ATAD2B: variants seen among roughly 807,000 people sequenced by gnomAD.
ATAD2B encodes ATPase family AAA domain-containing protein 2B.
Under a neutral mutation model 167.6 loss-of-function variants are expected in ATAD2B, and 40 were observed. The ratio of observed to expected loss-of-function variants is 0.24; its 90% CI spans 0.19 to 0.31. ATAD2B has a LOEUF of 0.31. ATAD2B is among the 10% of genes least tolerant of loss of function. ATAD2B has a pLI of 1.00. For missense variants in ATAD2B, 1,242 were observed against 1,757.2 expected (o/e 0.71, Z 5.24); for synonymous variants, 579 against 596.5 (o/e 0.97, Z 0.43).
At chr2:23,681,230 G>A in the ATAD2B span, among the ~76,000 whole-genome samples, 1 of 152,218 alleles carries the variant, frequency 6.6e-6, no homozygotes, top group African/African-American at 2.4e-5. This position sits in a 1 kb window ranked among gnomAD's most constrained non-coding sequence, Gnocchi z 4.2. Context: ...GGAATCCCCT[G>A]GTGAGCACTT....
At chr2:23,844,355 A>G (rs761784226) in intron 13 of ATAD2B, among the ~76,000 whole-genome samples, 1 of 152,172 alleles carries the variant, frequency 6.6e-6, no homozygotes, top group African/African-American at 2.4e-5. Flanking sequence ...ATCTACTTAC[A>G]GTAACATAGC....
intron 18 of ATAD2B, among the ~76,000 whole-genome samples, chr2:23,801,559 T>G (rs1461442740): frequency 1.3e-5 from 2 of 151,836 alleles, no homozygotes; most frequent in Non-Finnish European, 2.9e-5. Context: ...TCAAAATACC[T>G]CTGACATGAC....
At chr2:23,703,589 A>G in the ATAD2B span, 2 of 1,228,176 alleles carry the variant, frequency 1.6e-6, no homozygotes, top group Non-Finnish European at 2.2e-6. Context: ...CCCCGGACCC[A>G]TCCCCAGGCC....
At chr2:23,774,246 T>G (rs906408537) in intron 22 of ATAD2B, among the ~76,000 whole-genome samples, 1 of 152,136 alleles carries the variant, frequency 6.6e-6, no homozygotes, top group Non-Finnish European at 1.5e-5. Context: ...CTTGAAGAGT[T>G]TGAGACCAGC....
At chr2:23,886,393 A>G (rs1698662605) in intron 4 of ATAD2B, among the ~76,000 whole-genome samples, 1 of 152,184 alleles carries the variant, frequency 6.6e-6, no homozygotes. Flanking sequence ...CCCAATAAAA[A>G]ATATATAATG....
In ATAD2B at chr2:23,863,455, T is replaced by C. The variant is rs879188716; in HGVS notation, c.1405A>G (p.Met469Val). Reference protein sequence around the residue: ...SQGDKKVAFFMRKGADCLSKW... With the variant: ...SQGDKKVAFFVRKGADCLSKW... Reference sequence around the variant, plus strand: ...CTCAAACAATCTGCTCCTTTTCGCATAAAAAAAGCCACTTTTTTGTCTCCT... The same window carrying C: ...CTCAAACAATCTGCTCCTTTTCGCACAAAAAAAGCCACTTTTTTGTCTCCT... The change falls in exon 12 of 28, where the codon ATG becomes GTG. Residue 469 changes from methionine (M) to valine (V), a missense_variant. Physicochemically the swap from Met to Val is conservative, Grantham distance 21. Transcript: ENST00000238789. The C allele has an allele frequency of 1.3e-6, 2 of 1,553,322 alleles. No individual in the cohort carries two copies. The highest frequency in any genetic ancestry group is 1.7e-6 in the Non-Finnish European group (2 of 1,147,664).
At chr2:23,693,915 G>A in the ATAD2B span, among the ~76,000 whole-genome samples, 2 of 152,208 alleles carry the variant, frequency 1.3e-5, no homozygotes, top group Non-Finnish European at 2.9e-5. Flanking sequence ...GAGGGAGAGT[G>A]AGGTCCTGAG....
At chr2:23,716,438 ATTGTTGTTGTTG>A in the ATAD2B span, among the ~76,000 whole-genome samples, 35 of 150,196 alleles carry the variant, frequency 2.3e-4, no homozygotes, top group South Asian at 5.1e-3. Flanking sequence ...GGGACCTTTC[ATTGTTGTTGTTG>A]TTGTTGTTGT....
At chr2:23,769,712 G>GTT (rs1266284550) in intron 22 of ATAD2B, among the ~76,000 whole-genome samples, 194 of 127,768 alleles carry the variant, frequency 1.5e-3, no homozygotes, top group Non-Finnish European at 2.1e-3. Flanking sequence ...CTCACTGTGG[G>GTT]TTTTTTTTTT....
chr2:23,754,280 T>C lies in ATAD2B; in HGVS notation c.4234A>G (p.Ser1412Gly). 1 of 1,564,200 alleles carries C rather than the reference T, an allele frequency of 6.4e-7. No homozygotes were observed. Among genetic ancestry groups the C allele is most frequent in the Non-Finnish European group, 8.7e-7 (1 of 1,155,002 alleles). Residue 1412 changes from serine to glycine, a missense_variant, in exon 27 of 28, where the codon AGC becomes GGC. Around this residue, in one of 9 missense-constraint regions of ATAD2B, gnomAD observed 282 missense variants for 346.8 expected, o/e 0.81. Coordinates refer to ENST00000238789, the MANE Select transcript of ATAD2B (RefSeq NM_017552.4). ...KKLLDLLVDKSNNLAVDQLER... is the reference protein window; with the variant it reads ...KKLLDLLVDKGNNLAVDQLER... The stretch of plus-strand genomic sequence containing the variant: ...AGCTGATCAACTGCCAGATTGTTGC[T>C]TTTATCCACCAACAAATCAAGCAAT...
At chr2:23,728,988 G>A in the ATAD2B span, among the ~76,000 whole-genome samples, 6 of 152,156 alleles carry the variant, frequency 3.9e-5, no homozygotes, top group Non-Finnish European at 7.3e-5. Flanking sequence ...AGGGGAAGCA[G>A]GCATGTCTTA....
At chr2:23,718,283 T>C in the ATAD2B span, among the ~76,000 whole-genome samples, 2 of 152,066 alleles carry the variant, frequency 1.3e-5, no homozygotes, top group Non-Finnish European at 2.9e-5. Context: ...CTCATTACAC[T>C]CTCCAGACCC....
At chr2:23,678,975 G>A in the ATAD2B span, among the ~76,000 whole-genome samples, 1 of 151,432 alleles carries the variant, frequency 6.6e-6, no homozygotes, top group Non-Finnish European at 1.5e-5. Context: ...AAGGATTCCA[G>A]AGGATTGCCC....
At chr2:23,710,596 A>G in the ATAD2B span, among the ~76,000 whole-genome samples, 1 of 152,218 alleles carries the variant, frequency 6.6e-6, no homozygotes, top group East Asian at 1.9e-4. Context: ...GAAATCATAA[A>G]ACTATGAGAA....
At chr2:23,836,764 G>A (rs992935730) in intron 13 of ATAD2B, among the ~76,000 whole-genome samples, 5 of 152,096 alleles carry the variant, frequency 3.3e-5, no homozygotes, top group African/African-American at 1.2e-4. Context: ...CAGCAGAGAG[G>A]TGGCCCTGGA....
chr2:23,917,526 G>C (rs1703216256), intron 1 of ATAD2B, among the ~76,000 whole-genome samples: 1 of 151,850 alleles, frequency 6.6e-6, no homozygotes, highest in African/African-American at 2.4e-5. Flanking sequence ...ATATCACCAA[G>C]TAGAGGGAAA....
chr2:23,870,761 G>T (rs1695847721), intron 8 of ATAD2B, among the ~76,000 whole-genome samples: 1 of 151,638 alleles, frequency 6.6e-6, no homozygotes, highest in Admixed American at 6.6e-5. Flanking sequence ...GTTTACAGAG[G>T]ACAAGGGCTT....
intron 15 of ATAD2B, among the ~76,000 whole-genome samples, chr2:23,827,226 C>G (rs1688389769): frequency 6.6e-6 from 1 of 151,876 alleles, no homozygotes; most frequent in African/African-American, 2.4e-5. Flanking sequence ...TACTACCACC[C>G]CACAGAGGGG....
chr2:23,813,805 G>A (rs1372094075), intron 17 of ATAD2B, among the ~76,000 whole-genome samples: 1 of 151,768 alleles, frequency 6.6e-6, no homozygotes, highest in Admixed American at 6.6e-5. Context: ...TAAAAACGGA[G>A]GATTCAGGTC....
Sources: gnomAD v4.1 joint callset for allele counts (sites outside exome capture counted in the v4.1 genomes callset) on GRCh38, gnomAD v4.1.1 for gene constraint, gnomAD v4.1.1 regional missense constraint, Gnocchi (gnomAD v3.1) non-coding constraint, MANE v1.5 for transcripts, NCBI Gene and HGNC (gene_info 2026-07-23, HGNC 2026-07-21) for gene names.